ATG4C: variants seen among roughly 807,000 people sequenced by gnomAD.
ATG4C encodes autophagy related 4C cysteine peptidase.
In ATG4C, 56 loss-of-function variants were observed where a neutral mutation model predicts 57.6. That is an observed-to-expected ratio of 0.97 (90% CI 0.78 to 1.21). The LOEUF (loss-of-function observed/expected upper bound fraction) is 1.21, where lower values mean the gene tolerates loss of function less well. Among genes scored for constraint, ATG4C ranks in the 50% most tolerant of loss-of-function variants. ATG4C has a pLI of 0.00. For synonymous variants in ATG4C, 157 were observed against 174.1 expected, an observed-to-expected ratio of 0.90 and a Z score of 0.78; for missense variants, 595 against 529.8, an observed-to-expected ratio of 1.12 and a Z score of -1.21.
chr1:62,808,586 T>C (rs539151087), intron 3 of ATG4C, among the ~76,000 whole-genome samples: 1 of 152,198 alleles, frequency 6.6e-6, no homozygotes, highest in Non-Finnish European at 1.5e-5. Flanking sequence ...GGAAAGGCAA[T>C]GTATAGCACA....
chr1:62,846,658 C>T (rs1444424034), intron 10 of ATG4C, among the ~76,000 whole-genome samples: 4 of 152,146 alleles, frequency 2.6e-5, no homozygotes, highest in African/African-American at 9.7e-5. Flanking sequence ...AGGCCAAAGC[C>T]TTGGATTATT....
chr1:62,810,300 AG>A (rs1665038013), intron 3 of ATG4C, among the ~76,000 whole-genome samples: 1 of 152,186 alleles, frequency 6.6e-6, no homozygotes, highest in Admixed American at 6.5e-5. Context: ...AACAGATGAG[AG>A]ACATTAAATA....
At chr1:62,850,209 G>A (rs1666462287) in intron 10 of ATG4C, among the ~76,000 whole-genome samples, 1 of 152,000 alleles carries the variant, frequency 6.6e-6, no homozygotes, top group Non-Finnish European at 1.5e-5. Flanking sequence ...CAAACCCCAT[G>A]TCGTATGCAT....
chr1:62,850,864 A>ATATG (rs1666493230), intron 10 of ATG4C, among the ~76,000 whole-genome samples: 1 of 68,294 alleles, frequency 1.5e-5, no homozygotes, highest in Non-Finnish European at 2.8e-5. Flanking sequence ...GTATATATAT[A>ATATG]TATATATATA....
intron 3 of ATG4C, among the ~76,000 whole-genome samples, chr1:62,815,428 A>G (rs12406542): frequency 0.043 from 6,500 of 152,126 alleles, 207 homozygotes; most frequent in Admixed American, 0.077. Flanking sequence ...CATTTTACTT[A>G]TTTATATGTT....
chr1:62,835,594 GT>G lies in ATG4C; in HGVS notation c.1089+746del, dbSNP rs1665974790. The stretch of plus-strand genomic sequence containing the variant: ...AGTTGCAAATATAGCTGAATACTTT[GT>G]TTTAGTAATTGCTTGCTAGCTAATA... On this transcript the variant is annotated intron_variant, in intron 9 of 10. Transcript: ENST00000317868. 4.3e-5 allele frequency: 7 copies of G among 164,102 alleles called. No homozygotes were observed. The South Asian group carries it at 1.0e-3, about 24-fold the overall frequency. 10.2% of individuals were successfully genotyped at this position (164,102 alleles called of 1,614,324 possible).
chr1:62,860,503 A>G (rs898029388), intron 10 of ATG4C, among the ~76,000 whole-genome samples: 3 of 152,118 alleles, frequency 2.0e-5, no homozygotes, highest in Admixed American at 2.0e-4. Flanking sequence ...GGTGATAGGA[A>G]TTTTTCAGCT....
At chr1:62,816,397 TC>T (rs1180955786) in intron 3 of ATG4C, among the ~76,000 whole-genome samples, 177 bp from the exon 4 acceptor site, 2 of 152,172 alleles carry the variant, frequency 1.3e-5, no homozygotes, top group East Asian at 3.8e-4. Flanking sequence ...AACTTGATTT[TC>T]ATAGGCAGTC....
At chr1:62,858,955 G>A (rs1264250180) in intron 10 of ATG4C, among the ~76,000 whole-genome samples, 2 of 152,134 alleles carry the variant, frequency 1.3e-5, no homozygotes, top group Non-Finnish European at 2.9e-5. Flanking sequence ...GTCATACATT[G>A]CTTAATGATG....
At chr1:62,836,877 T>C (rs1265767960) in intron 9 of ATG4C, among the ~76,000 whole-genome samples, 2 of 152,086 alleles carry the variant, frequency 1.3e-5, no homozygotes, top group Non-Finnish European at 2.9e-5. Flanking sequence ...TAATAGATTG[T>C]GAAATTTTAA....
At chr1:62,830,161 T>G (rs928011555) in intron 7 of ATG4C, among the ~76,000 whole-genome samples, 2 of 152,142 alleles carry the variant, frequency 1.3e-5, no homozygotes, top group Non-Finnish European at 2.9e-5. Context: ...ACTAAAATTT[T>G]GGAAGCACAT....
intron 1 of ATG4C, 26 bp from the exon 2 acceptor site, chr1:62,803,693 C>A: frequency 1.3e-6 from 1 of 770,168 alleles, no homozygotes; most frequent in Non-Finnish European, 2.0e-6. Context: ...GTAGTAATTA[C>A]TGATTTTTTT....
chr1:62,843,820 C>T (rs1666244554), intron 10 of ATG4C, among the ~76,000 whole-genome samples: 1 of 152,048 alleles, frequency 6.6e-6, no homozygotes, highest in South Asian at 2.1e-4. Context: ...AACGTTTATA[C>T]TTCAGTAGGG....
intron 3 of ATG4C, among the ~76,000 whole-genome samples, chr1:62,813,877 A>G (rs1199725491): frequency 6.6e-6 from 1 of 152,254 alleles, no homozygotes; most frequent in African/African-American, 2.4e-5. Flanking sequence ...GAGAAATGCA[A>G]TCAAAACCAC....
chr1:62,797,986 A>G (rs1664529410), intron 1 of ATG4C, among the ~76,000 whole-genome samples: 1 of 151,806 alleles, frequency 6.6e-6, no homozygotes, highest in African/African-American at 2.4e-5. Flanking sequence ...CACCTGGCTA[A>G]TTTTTTTGTA....
At position 62,816,809 on chromosome 1, in the gene ATG4C, G is replaced by A; in HGVS notation, c.394+1G>A. ...CTCATACTACACTTTCTTGGTAGAG[G>A]TAAATCAAATTTCTGTTTTTGTTTT... is the stretch of plus-strand genomic sequence containing the variant. On this transcript the variant is annotated splice_donor_variant, in intron 4 of 10. Transcript: ENST00000317868. LOFTEE classifies it high-confidence loss of function. 6.6e-7 allele frequency: 1 copy of A among 1,511,320 alleles called. No homozygotes were observed. The allele number at this position is 1,511,320 out of a possible 1,614,324, so 93.6% of individuals were successfully genotyped here.
chr1:62,806,207 G>C (rs1572108582), intron 3 of ATG4C, among the ~76,000 whole-genome samples: 1 of 152,128 alleles, frequency 6.6e-6, no homozygotes, highest in South Asian at 2.1e-4. Flanking sequence ...TGCATTTTAG[G>C]TAAATAGAAT....
intron 10 of ATG4C, among the ~76,000 whole-genome samples, chr1:62,850,856 A>ATATATATATGTGTGTATGTGTATG (rs1666491339): frequency 2.4e-5 from 1 of 41,192 alleles, no homozygotes; most frequent in Non-Finnish European, 4.5e-5. Flanking sequence ...GTATGTATGT[A>ATATATATATGTGTGTATGTGTATG]TATATATATA....
intron 10 of ATG4C, among the ~76,000 whole-genome samples, chr1:62,862,726 T>G (rs1444299754): frequency 6.6e-6 from 1 of 152,072 alleles, no homozygotes; most frequent in East Asian, 1.9e-4. Context: ...AAAAATATAT[T>G]TTATATAGTT....
Sources: gnomAD v4.1 joint callset for allele counts (sites outside exome capture counted in the v4.1 genomes callset) on GRCh38, gnomAD v4.1.1 for gene constraint, MANE v1.5 for transcripts, NCBI Gene and HGNC (gene_info 2026-07-23, HGNC 2026-07-21) for gene names.